Variants in FAF1 observed in about 807,000 individuals in gnomAD.
FAF1 encodes the protein Fas associated factor 1.
FAF1 carries 25 observed loss-of-function variants against 92.5 expected under a neutral mutation model. The ratio of observed to expected loss-of-function variants is 0.27; its 90% CI spans 0.20 to 0.38. The LOEUF (loss-of-function observed/expected upper bound fraction) is 0.38, where lower values mean the gene tolerates loss of function less well. Ranked by LOEUF, FAF1 falls within the 10% of genes least tolerant of loss-of-function variation. The pLI is 1.00. For missense variants in FAF1, 636 were observed against 793.3 expected (o/e 0.80, Z 2.38); for synonymous variants, 234 against 273.2 (o/e 0.86, Z 1.42).
At chr1:50,827,716 AAAG>A (rs1480842247) in intron 2 of FAF1, among the ~76,000 whole-genome samples, 2 of 152,356 alleles carry the variant, frequency 1.3e-5, no homozygotes, top group South Asian at 2.1e-4. Flanking sequence ...AAGATTATTT[AAAG>A]AATACCTAAA....
intron 6 of FAF1, among the ~76,000 whole-genome samples, chr1:50,721,101 C>T (rs1658391747): frequency 6.6e-6 from 1 of 152,042 alleles, no homozygotes; most frequent in Non-Finnish European, 1.5e-5. Context: ...GGAGGGAAAA[C>T]ATTTATTGCT....
intron 1 of FAF1, among the ~76,000 whole-genome samples, chr1:50,862,967 G>C (rs1170912750): frequency 6.6e-6 from 1 of 151,792 alleles, no homozygotes; most frequent in Non-Finnish European, 1.5e-5. Flanking sequence ...TAGACAGAAA[G>C]TCAACAAAGA....
intron 15 of FAF1, among the ~76,000 whole-genome samples, chr1:50,521,838 C>T (rs1312853238): frequency 6.6e-6 from 1 of 152,204 alleles, no homozygotes; most frequent in Non-Finnish European, 1.5e-5. Flanking sequence ...CTGTAATCCA[C>T]GAAGAAGTCT....
At chr1:50,716,105 T>C (rs1209411489) in intron 6 of FAF1, among the ~76,000 whole-genome samples, 1 of 152,224 alleles carries the variant, frequency 6.6e-6, no homozygotes, top group East Asian at 1.9e-4. Flanking sequence ...AACTTAAGGT[T>C]GAATTATGTT....
chr1:50,911,630 G>A (rs1644886485), intron 1 of FAF1, among the ~76,000 whole-genome samples: 1 of 152,014 alleles, frequency 6.6e-6, no homozygotes, highest in Non-Finnish European at 1.5e-5. Context: ...CCAGCAGGCA[G>A]AGGTTGCAGT....
chr1:50,667,653 G>A (rs781480782), intron 7 of FAF1, among the ~76,000 whole-genome samples: 2 of 152,092 alleles, frequency 1.3e-5, no homozygotes, highest in Non-Finnish European at 2.9e-5. Context: ...GCACACATGC[G>A]CAAACACAGA....
At position 50,477,781 on chromosome 1, in the gene FAF1, G is replaced by C. The variant is rs1240036617; in HGVS notation, c.1654-2102C>G. ...AAGCTCCATAATGGCATGGGAGCAT[G>C]TATTACTTCTCATTCCAAATACAGT... is the stretch of plus-strand genomic sequence containing the variant. On this transcript the variant is annotated intron_variant, in intron 17 of 18. Transcript: ENST00000396153. Among the ~76,000 whole-genome samples, 5 of 152,344 alleles carry C rather than the reference G, an allele frequency of 3.3e-5. 1 individual carries two copies. The South Asian group carries it at 1.0e-3, about 32-fold the overall frequency.
rs543368009 is a variant in FAF1, at chr1:50,490,465, A to G, written c.1653+123T>C. On this transcript the variant is annotated intron_variant, in intron 17 of 18. Transcript: ENST00000396153. ...GAAGGAAGGAAGGAAGGAAGGAAAA[A>G]GAAAGAAGGAAGGAAGGAAGGAAGG... is the stretch of plus-strand genomic sequence containing the variant. 80 of 606,338 alleles carry G rather than the reference A, an allele frequency of 1.3e-4. 1 individual carries two copies. The African/African-American group carries it at 1.4e-3, about 11-fold the overall frequency. The allele number at this position is 606,338 out of a possible 1,614,324, so 37.6% of individuals were successfully genotyped here.
At chr1:50,705,914 A>G in intron 6 of FAF1, 23 bp from the exon 7 acceptor site, 1 of 1,452,412 alleles carries the variant, frequency 6.9e-7, no homozygotes, top group Non-Finnish European at 9.6e-7. Context: ...AAAGAAAAAC[A>G]AGGAACTCAG....
intron 1 of FAF1, among the ~76,000 whole-genome samples, chr1:50,865,972 C>A (rs1203848494): frequency 6.6e-6 from 1 of 151,802 alleles, no homozygotes; most frequent in Non-Finnish European, 1.5e-5. Context: ...CTAACCAAAT[C>A]CAACTGCATA....
At chr1:50,650,750 T>C (rs1654827348) in intron 8 of FAF1, among the ~76,000 whole-genome samples, 1 of 152,208 alleles carries the variant, frequency 6.6e-6, no homozygotes. Flanking sequence ...TATCTAAACA[T>C]AATTCACAGT....
intron 5 of FAF1, among the ~76,000 whole-genome samples, chr1:50,742,887 T>C (rs1009913633): frequency 1.3e-5 from 2 of 152,218 alleles, no homozygotes; most frequent in South Asian, 2.1e-4. Flanking sequence ...TGTTTTTGTA[T>C]GGCCTGTGAG....
At chr1:50,836,224 G>A (rs900257507) in intron 2 of FAF1, among the ~76,000 whole-genome samples, 4 of 128,596 alleles carry the variant, frequency 3.1e-5, no homozygotes, top group Admixed American at 8.8e-5. Flanking sequence ...AGGCTGGAGT[G>A]CAGTGATGTG....
chr1:50,565,544 CTG>C (rs1179436090), intron 13 of FAF1, among the ~76,000 whole-genome samples: 1 of 152,060 alleles, frequency 6.6e-6, no homozygotes, highest in African/African-American at 2.4e-5. Flanking sequence ...ACAGGTGTCT[CTG>C]TAACCTGCAA....
intron 18 of FAF1, among the ~76,000 whole-genome samples, chr1:50,461,223 G>A (rs1314688778): frequency 6.6e-6 from 1 of 152,124 alleles, no homozygotes; most frequent in Non-Finnish European, 1.5e-5. Context: ...AACCTCAGGT[G>A]TATTATTACA....
chr1:50,531,793 GAGTGATTC>G (rs1572812948), intron 15 of FAF1, among the ~76,000 whole-genome samples: 1 of 152,252 alleles, frequency 6.6e-6, no homozygotes, highest in Admixed American at 6.5e-5. Context: ...GGCCACTGAA[GAGTGATTC>G]AGTGTATAAA....
intron 13 of FAF1, among the ~76,000 whole-genome samples, chr1:50,562,564 T>C (rs1472999772): frequency 2.6e-5 from 4 of 152,182 alleles, no homozygotes; most frequent in Non-Finnish European, 5.9e-5. Flanking sequence ...AGTTCTAACT[T>C]CATCTTTATG....
chr1:50,763,864 GA>G (rs1660456654), intron 4 of FAF1, among the ~76,000 whole-genome samples: 1 of 152,074 alleles, frequency 6.6e-6, no homozygotes, highest in South Asian at 2.1e-4. Context: ...AAACTTTTAA[GA>G]AACCACCATT....
intron 3 of FAF1, among the ~76,000 whole-genome samples, chr1:50,790,586 G>A (rs1661528110): frequency 6.6e-6 from 1 of 151,158 alleles, no homozygotes; most frequent in African/African-American, 2.4e-5. Flanking sequence ...CTTATGTATT[G>A]CCACTTCTTT....
Sources: gnomAD v4.1 joint callset for allele counts (sites outside exome capture counted in the v4.1 genomes callset) on GRCh38, gnomAD v4.1.1 for gene constraint, MANE v1.5 for transcripts, NCBI Gene and HGNC (gene_info 2026-07-23, HGNC 2026-07-21) for gene names.